Variants in POT1 observed in about 807,000 individuals in gnomAD.
POT1 encodes protection of telomeres protein 1.
Under a neutral mutation model 78.5 loss-of-function variants are expected in POT1, and 47 were observed. The observed-to-expected ratio is 0.60, with a 90% CI of 0.47 to 0.76. The LOEUF is 0.76. POT1 is among the 30% of genes least tolerant of loss of function. The probability of loss-of-function intolerance (pLI) is 0.00; values close to 1 mark genes in which losing one functional copy is unlikely to be tolerated. For missense variants in POT1, 646 were observed against 749.9 expected (o/e 0.86, Z 1.62); for synonymous variants, 259 against 260.7 (o/e 0.99, Z 0.06).
chr7:124,845,716 C>CT (rs919274317), intron 12 of POT1, among the ~76,000 whole-genome samples: 290 of 148,728 alleles, frequency 1.9e-3, no homozygotes, highest in African/African-American at 5.1e-3. Context: ...AAAATGGTAG[C>CT]TTTTTTTTTT....
At chr7:124,918,397 A>C (rs1797069583) in intron 2 of POT1, among the ~76,000 whole-genome samples, 1 of 152,210 alleles carries the variant, frequency 6.6e-6, no homozygotes, top group Non-Finnish European at 1.5e-5. Context: ...CATGTGTGCC[A>C]CTGGGACTGC....
intron 6 of POT1, among the ~76,000 whole-genome samples, chr7:124,884,620 GAA>G (rs1254932801): frequency 2.0e-4 from 19 of 94,306 alleles, no homozygotes; most frequent in African/African-American, 8.2e-4. Flanking sequence ...ATAAAAGAAA[GAA>G]GGACTCAAAA....
intron 3 of POT1, among the ~76,000 whole-genome samples, chr7:124,902,739 T>C (rs1393784066): frequency 1.3e-5 from 2 of 152,144 alleles, no homozygotes; most frequent in Non-Finnish European, 1.5e-5. Context: ...GCAAATTGGA[T>C]AAATCGTCAA....
rs371803026 is a variant in POT1 at position 124,875,390 on chromosome 7, A to G, written c.125-4349T>C. Among the ~76,000 whole-genome samples the G allele has an allele frequency of 2.6e-5, 4 of 152,206 alleles. No individual in the cohort carries two copies. In the East Asian group the frequency reaches 7.7e-4, roughly 29 times the overall value. ...TGTCTAAAGGATGATACAAGAATGA[A>G]ATAAATAATCACTATTATATCATTC... is the stretch of plus-strand genomic sequence containing the variant. On this transcript the variant is annotated intron_variant, in intron 6 of 18. Transcript: ENST00000357628.
intron 5 of POT1, among the ~76,000 whole-genome samples, chr7:124,896,739 CA>C (rs1796501132): frequency 6.6e-6 from 1 of 151,488 alleles, no homozygotes; most frequent in Admixed American, 6.6e-5. Flanking sequence ...AGAAATGTAT[CA>C]TAAGTATAAG....
At chr7:124,836,593 A>C (rs1017296207) in intron 14 of POT1, among the ~76,000 whole-genome samples, 1 of 152,140 alleles carries the variant, frequency 6.6e-6, no homozygotes, top group Non-Finnish European at 1.5e-5. Flanking sequence ...CCCCAAAAAC[A>C]CTATTTCAAA....
chr7:124,831,789 T>C lies in POT1; in HGVS notation c.1506-2447A>G, dbSNP rs565397384. Among the ~76,000 whole-genome samples the C allele has an allele frequency of 6.5e-4, 99 of 152,100 alleles. 1 individual carries two copies. Among genetic ancestry groups the C allele is most frequent in the Non-Finnish European group, 1.3e-4 (9 of 67,986 alleles). On this transcript the variant is annotated intron_variant, in intron 15 of 18. Transcript: ENST00000357628. ...CAAAAAAAGCAAGCTGCAAAAGGCT[T>C]GGCATAGTACGAAACAGTTTATATA...
intron 3 of POT1, among the ~76,000 whole-genome samples, chr7:124,912,339 T>C (rs560866708): frequency 6.6e-6 from 1 of 152,156 alleles, no homozygotes; most frequent in African/African-American, 2.4e-5. Flanking sequence ...TTGACATAAA[T>C]GAAACATACA....
In POT1 at chr7:124,827,264, A is replaced by C; in HGVS notation, c.1636T>G (p.Phe546Val). ...VPLQYVFVMT[F>V]TLDDGTGVLE... is the part of the protein sequence containing the mutation. ...ACTCCTGTTCCATCATCAAGTGTAA[A>C]GGTCATAACAAACACATATTGGAGG... Residue 546 changes from phenylalanine (F) to valine (V), a missense_variant, in exon 17 of 19, where the codon TTT becomes GTT. Phe to Val is a conservative substitution (Grantham distance 50, BLOSUM62 -1). Coordinates refer to ENST00000357628, the MANE Select transcript of POT1 (RefSeq NM_015450.3). The C allele has an allele frequency of 6.2e-7, 1 of 1,600,804 alleles. No individual in the cohort carries two copies. Among genetic ancestry groups the C allele is most frequent in the South Asian group, 1.1e-5 (1 of 89,644 alleles).
chr7:124,885,888 T>C (rs1244684772), intron 6 of POT1, among the ~76,000 whole-genome samples: 3 of 152,200 alleles, frequency 2.0e-5, no homozygotes, highest in African/African-American at 7.2e-5. Context: ...GTTTTCATCA[T>C]TAATCTTATC....
intron 3 of POT1, among the ~76,000 whole-genome samples, chr7:124,903,297 A>G (rs1386416571): frequency 6.6e-6 from 1 of 152,180 alleles, no homozygotes; most frequent in Non-Finnish European, 1.5e-5. Context: ...AGCAAATATA[A>G]AAGAACAGAA....
intron 7 of POT1, among the ~76,000 whole-genome samples, chr7:124,867,527 G>T (rs1318152866): frequency 1.3e-5 from 2 of 152,078 alleles, no homozygotes; most frequent in Non-Finnish European, 2.9e-5. Context: ...TCATCTGGTG[G>T]AAAACATTTT....
Position 124,825,235 on chromosome 7 carries a change from A to C in POT1, c.1792+17T>G. ...CAAGTAAAAGAAGTGTGGGATTGTT[A>C]AAATATTCTTGCCTACCAATTTTTA... On this transcript the variant is annotated intron_variant, in intron 18 of 18. Coordinates refer to ENST00000357628, the MANE Select transcript of POT1 (RefSeq NM_015450.3). 3.2e-6 allele frequency: 5 copies of C among 1,542,012 alleles called. No homozygotes were observed. Among genetic ancestry groups the C allele is most frequent in the Non-Finnish European group, 4.5e-6 (5 of 1,118,542 alleles).
intron 5 of POT1, 66 bp downstream of exon 5, chr7:124,897,099 T>G: frequency 1.1e-6 from 1 of 932,446 alleles, no homozygotes; most frequent in Non-Finnish European, 1.6e-6. Flanking sequence ...CATACACATG[T>G]ATCTATGTGT....
At chr7:124,923,634 T>TTTG (rs1434235904) in intron 2 of POT1, among the ~76,000 whole-genome samples, 1 of 151,656 alleles carries the variant, frequency 6.6e-6, no homozygotes, top group Non-Finnish European at 1.5e-5. Context: ...GAAAACTTCC[T>TTTG]AAGTCTAGCA....
At position 124,835,369 on chromosome 7, in the gene POT1, C is replaced by A; in HGVS notation, c.1415G>T (p.Ser472Ile). Reference sequence around the variant, plus strand: ...GTGGCCAGATCTCACAGGAATTACACTATTAAACTTGTTCGAGAGTTTGCA... The same window carrying A: ...GTGGCCAGATCTCACAGGAATTACAATATTAAACTTGTTCGAGAGTTTGCA... ...EICKLSNKFNSVIPVRSGHED... is the reference protein window; with the variant it reads ...EICKLSNKFNIVIPVRSGHED... Residue 472 changes from serine to isoleucine, a missense_variant, in exon 15 of 19, where the codon AGT becomes ATT. Ser to Ile is a moderately radical substitution (Grantham distance 142). This residue lies in a region of POT1 where 394 missense variants were observed against 408.4 expected (regional missense o/e 0.96). Coordinates refer to ENST00000357628, the MANE Select transcript of POT1 (RefSeq NM_015450.3). The A allele has an allele frequency of 1.9e-6, 3 of 1,613,996 alleles. No individual in the cohort carries two copies. In the South Asian group the frequency reaches 3.3e-5, roughly 18 times the overall value.
At chr7:124,892,814 A>G (rs2116631082) in intron 5 of POT1, 1 of 151,734 alleles carries the variant, frequency 6.6e-6, no homozygotes, top group East Asian at 1.9e-4. Flanking sequence ...ATCAAGGAGC[A>G]TCTGTAGTGA....
At chr7:124,877,733 T>C (rs1796022815) in intron 6 of POT1, among the ~76,000 whole-genome samples, 1 of 149,564 alleles carries the variant, frequency 6.7e-6, no homozygotes, top group Admixed American at 6.8e-5. Context: ...CTCGTGAGGC[T>C]GAGGCAGGAG....
intron 14 of POT1, among the ~76,000 whole-genome samples, chr7:124,838,169 AT>A (rs1562979200): frequency 1.3e-5 from 2 of 152,148 alleles, no homozygotes; most frequent in Non-Finnish European, 2.9e-5. Context: ...CTCCTATTCA[AT>A]ATTGTACTGG....
Sources: gnomAD v4.1 joint callset for allele counts (sites outside exome capture counted in the v4.1 genomes callset) on GRCh38, gnomAD v4.1.1 for gene constraint, gnomAD v4.1.1 regional missense constraint, MANE v1.5 for transcripts, NCBI Gene and HGNC (gene_info 2026-07-23, HGNC 2026-07-21) for gene names.